Variants in ETAA1 observed in about 807,000 individuals in gnomAD.
ETAA1 encodes ETAA1 activator of ATR kinase.
Under a neutral mutation model 76.8 loss-of-function variants are expected in ETAA1, and 49 were observed. The observed-to-expected ratio is 0.64, with a 90% CI of 0.51 to 0.81. The LOEUF (loss-of-function observed/expected upper bound fraction) is 0.81. ETAA1 is among the 30% of genes least tolerant of loss of function. The pLI is 0.00. For missense variants in ETAA1, 1,099 were observed against 1,074.0 expected (o/e 1.02, Z -0.32); for synonymous variants, 373 against 372.2 (o/e 1.00, Z -0.03).
Position 67,399,581 on chromosome 2 carries a change from A to T in ETAA1, c.384A>T (p.Thr128=). 1 of 1,608,592 alleles carries T rather than the reference A, an allele frequency of 6.2e-7. No homozygotes were observed. The highest frequency in any genetic ancestry group is 1.3e-5 in the African/African-American group (1 of 74,870). Residue 128 remains threonine (T), a synonymous_variant, in exon 3 of 6, where the codon ACA becomes ACT. Transcript: ENST00000272342. ...GKGRKKQIYT[T]DSDEISHIVN... ...GAAGAAAAAAACAGATTTACACCAC[A>T]GATAGTGATGAGATTTCACATATTG...
chr2:67,407,780 A>G (rs1048553295), intron 5 of ETAA1, among the ~76,000 whole-genome samples: 3 of 152,188 alleles, frequency 2.0e-5, no homozygotes, highest in Non-Finnish European at 4.4e-5. Flanking sequence ...TCATTAAGTG[A>G]AAGTGGATCA....
rs1191491372 is a variant in ETAA1, at chr2:67,397,525, G to C, written c.77G>C (p.Cys26Ser). 2 of 1,591,778 alleles carry C rather than the reference G, an allele frequency of 1.3e-6. No individual in the cohort carries two copies. Among genetic ancestry groups the C allele is most frequent in the Non-Finnish European group, 1.7e-6 (2 of 1,169,312 alleles). Reference protein sequence around the residue: ...TPHKTVAAEECGSVVEPGRRR... With the variant: ...TPHKTVAAEESGSVVEPGRRR... ...CACAAAACAGTGGCGGCGGAGGAAT[G>C]CGGCTCGGTGGTCGAGCCAGGGAGG... is the stretch of plus-strand genomic sequence containing the variant. Residue 26 changes from cysteine (C) to serine (S), a missense_variant, in exon 1 of 6, where the codon TGC becomes TCC. By Grantham distance (112) the Cys-to-Ser change is moderately radical. Transcript: ENST00000272342.
chr2:67,404,660 A>G lies in ETAA1; in HGVS notation c.1978A>G (p.Lys660Glu), dbSNP rs1676153072. 6.2e-7 allele frequency: 1 copy of G among 1,613,262 alleles called. No homozygotes were observed. Among genetic ancestry groups the G allele is most frequent in the Non-Finnish European group, 8.5e-7 (1 of 1,179,552 alleles). The change falls in exon 5 of 6, where the codon AAG (lysine) becomes GAG (glutamate). Residue 660 changes from lysine (K) to glutamate (E), a missense_variant. Physicochemically the swap from Lys to Glu is moderately conservative, Grantham distance 56. Around this residue, in one of 3 missense-constraint regions of ETAA1, gnomAD observed 36 missense variants for 64.0 expected, o/e 0.56. Transcript: ENST00000272342. Reference sequence around the variant, plus strand: ...GCAACAAGACATTAGAAAGGACAGTAAGACATCAGAAAGTATATGTGAGAT... The same window carrying G: ...GCAACAAGACATTAGAAAGGACAGTGAGACATCAGAAAGTATATGTGAGAT... ...TQQQDIRKDS[K>E]TSESICEINN...
intron 3 of ETAA1, chr2:67,402,313 A>G (rs62154957): frequency 0.068 from 10,295 of 151,878 alleles, 445 homozygotes; most frequent in Middle Eastern, 0.13. Flanking sequence ...CCTTGCTCTT[A>G]TCTCTTAATT....
intron 1 of ETAA1, among the ~76,000 whole-genome samples, chr2:67,398,555 C>CT (rs895489574): frequency 6.6e-6 from 1 of 151,980 alleles, no homozygotes; most frequent in African/African-American, 2.4e-5. Flanking sequence ...CCAGGATGGT[C>CT]TCGATTTCCT....
In ETAA1 at chr2:67,403,753, G is replaced by T; in HGVS notation, c.1071G>T (p.Val357=). 1.2e-6 allele frequency: 2 copies of T among 1,613,354 alleles called. No individual in the cohort carries two copies. Among genetic ancestry groups the T allele is most frequent in the Non-Finnish European group, 1.7e-6 (2 of 1,179,468 alleles). The change falls in exon 5 of 6, where the codon GTG becomes GTT. Residue 357 remains valine, a synonymous_variant. Coordinates refer to ENST00000272342, the MANE Select transcript of ETAA1 (RefSeq NM_019002.4). ...CACCCATAATGACAAAATCATGTGTGACTTCCTGTACTAAGGAGCCAGAAA... is the reference window on the plus strand; with the variant it reads ...CACCCATAATGACAAAATCATGTGTTACTTCCTGTACTAAGGAGCCAGAAA... The part of the protein sequence containing the change: ...VDTPIMTKSC[V]TSCTKEPETS...
chr2:67,408,236 T>C (rs1302921260), intron 5 of ETAA1, among the ~76,000 whole-genome samples: 1 of 152,102 alleles, frequency 6.6e-6, no homozygotes, highest in African/African-American at 2.4e-5. Flanking sequence ...CAGGCAGGAG[T>C]TGGCAAACTA....
chr2:67,410,074 G>C lies in ETAA1; in HGVS notation c.*36G>C, dbSNP rs1414902528. ...GTTGGAAGACTTCACGAAGACTGCT[G>C]ATAACTATCTGTGATTGATAGGAAA... On this transcript the variant is annotated 3_prime_UTR_variant, in exon 6 of 6. Coordinates refer to ENST00000272342, the MANE Select transcript of ETAA1 (RefSeq NM_019002.4). 2.5e-6 allele frequency: 4 copies of C among 1,571,700 alleles called. No homozygotes were observed. The highest frequency in any genetic ancestry group is 1.4e-5 in the African/African-American group (1 of 71,570).
chr2:67,405,379 A>G (rs1021895622), intron 5 of ETAA1, 44 bp downstream of exon 5: 22 of 1,398,238 alleles, frequency 1.6e-5, no homozygotes, highest in Non-Finnish European at 2.1e-5. Flanking sequence ...AAGCATCTTA[A>G]AAAGTAGTAA....
rs955246391 is a variant in ETAA1 at position 67,409,834 on chromosome 2, A to C, written c.2654-77A>C. On this transcript the variant is annotated intron_variant, in intron 5 of 5. Coordinates refer to ENST00000272342, the MANE Select transcript of ETAA1 (RefSeq NM_019002.4). ...AATATGGCAAATCTGGGTGATTAAA[A>C]AAAGCAAAAATTAAAGCACATATTG... is the stretch of plus-strand genomic sequence containing the variant. 5 of 1,440,898 alleles carry C rather than the reference A, an allele frequency of 3.5e-6. No individual in the cohort carries two copies. In the East Asian group the frequency reaches 1.2e-4, roughly 34 times the overall value. The allele number at this position is 1,440,898 out of a possible 1,614,324, so 89.3% of individuals were successfully genotyped here.
chr2:67,399,458 C>T, intron 2 of ETAA1, 92 bp from the exon 3 acceptor site: 1 of 1,175,814 alleles, frequency 8.5e-7, no homozygotes, highest in Non-Finnish European at 1.2e-6. Context: ...CTAAGCTGCA[C>T]TAAATAAAAT....
chr2:67,405,306 T>C lies in ETAA1; in HGVS notation c.2624T>C (p.Leu875Pro). 1.3e-6 allele frequency: 2 copies of C among 1,548,166 alleles called. No individual in the cohort carries two copies. The highest frequency in any genetic ancestry group is 8.7e-7 in the Non-Finnish European group (1 of 1,151,088). Reference protein sequence around the residue: ...EAVGQQSLVKLSESLKQSSKE... With the variant: ...EAVGQQSLVKPSESLKQSSKE... ...GTTGGACAGCAATCTTTGGTGAAAC[T>C]TTCTGAATCTTTGAAACAATCTTCA... Residue 875 changes from leucine to proline, a missense_variant, in exon 5 of 6, where the codon CTT becomes CCT. By Grantham distance (98) the Leu-to-Pro change is moderately conservative. Around this residue, in one of 3 missense-constraint regions of ETAA1, gnomAD observed 302 missense variants for 278.1 expected, o/e 1.09. Transcript: ENST00000272342.
rs762813611 is a variant in ETAA1 at position 67,404,877 on chromosome 2, G to A, written c.2195G>A (p.Gly732Asp). ...TATGGAAATTCTCCAAGATTTTTAG[G>A]TGCCACAAATTTGACTATGTATTCT... ...EMYGNSPRFL[G>D]ATNLTMYSKI... is the part of the protein sequence containing the mutation. Residue 732 changes from glycine to aspartate, a missense_variant, in exon 5 of 6, where the codon GGT becomes GAT. This residue lies in a region of ETAA1 where 302 missense variants were observed against 278.1 expected (regional missense o/e 1.09). Transcript: ENST00000272342. 1.2e-6 allele frequency: 2 copies of A among 1,612,840 alleles called. No homozygotes were observed. Among genetic ancestry groups the A allele is most frequent in the African/African-American group, 1.3e-5 (1 of 74,882 alleles).
At position 67,410,064 on chromosome 2, in the gene ETAA1, G is replaced by A. The variant is rs1569; in HGVS notation, c.*26G>A. ...TGAAATATTAGTTGGAAGACTTCAC[G>A]AAGACTGCTGATAACTATCTGTGAT... On this transcript the variant is annotated 3_prime_UTR_variant, in exon 6 of 6. Coordinates refer to ENST00000272342, the MANE Select transcript of ETAA1 (RefSeq NM_019002.4). 1,518,293 of 1,589,526 alleles carry A rather than the reference G, an allele frequency of 0.96. 725,321 individuals are homozygous for A. Among genetic ancestry groups the A allele is most frequent in the East Asian group, 1 (44,220 of 44,226 alleles).
chr2:67,405,116 C>T lies in ETAA1; in HGVS notation c.2434C>T (p.Leu812Phe). ...TGTAACAGATGAAGCTCAGAGCAAC[C>T]TTAACACAACAGTTGGATTTTCAAA... ...KTVTDEAQSN[L>F]NTTVGFSKFT... The change falls in exon 5 of 6, where the codon CTT becomes TTT. Residue 812 changes from leucine (L) to phenylalanine (F), a missense_variant. Leu to Phe is a conservative substitution (Grantham distance 22). Around this residue, in one of 3 missense-constraint regions of ETAA1, gnomAD observed 302 missense variants for 278.1 expected, o/e 1.09. Transcript: ENST00000272342. 2 of 1,612,608 alleles carry T rather than the reference C, an allele frequency of 1.2e-6. No homozygotes were observed. Among genetic ancestry groups the T allele is most frequent in the Non-Finnish European group, 1.7e-6 (2 of 1,179,180 alleles).
In ETAA1 at chr2:67,397,551, A is replaced by T. The variant is rs1397335947; in HGVS notation, c.103A>T (p.Arg35Trp). The T allele has an allele frequency of 1.3e-6, 2 of 1,576,736 alleles. No homozygotes were observed. Among genetic ancestry groups the T allele is most frequent in the Non-Finnish European group, 1.7e-6 (2 of 1,161,470 alleles). Residue 35 changes from arginine (R) to tryptophan (W), a missense_variant, in exon 1 of 6, where the codon AGG (arginine) becomes TGG (tryptophan). Physicochemically the swap from Arg to Trp is moderately radical, Grantham distance 101. This residue lies in a region of ETAA1 where 761 missense variants were observed against 731.9 expected (regional missense o/e 1.04). Transcript: ENST00000272342. Reference protein sequence around the residue: ...ECGSVVEPGRRRLRSARGSWP... With the variant: ...ECGSVVEPGRWRLRSARGSWP... ...CGGCTCGGTGGTCGAGCCAGGGAGG[A>T]GGCGGCTGAGATCGGCCCGCGGTTC... is the stretch of plus-strand genomic sequence containing the variant.
Position 67,403,038 on chromosome 2 carries a change from A to G in ETAA1, c.542+64A>G, listed in dbSNP as rs1318241359. 3.5e-6 allele frequency: 5 copies of G among 1,413,608 alleles called. No homozygotes were observed. In the East Asian group the frequency reaches 9.5e-5, roughly 27 times the overall value. 87.6% of individuals were successfully genotyped at this position (1,413,608 alleles called of 1,614,324 possible). A position where few individuals can be genotyped will look rare whatever the true frequency, so the allele number is the denominator to read the frequency against. Reference sequence around the variant, plus strand: ...AGCAAATATTTTTTGATAATACTCCATTTTGGTTTTGTGAATATATCAAAA... The same window carrying G: ...AGCAAATATTTTTTGATAATACTCCGTTTTGGTTTTGTGAATATATCAAAA... On this transcript the variant is annotated intron_variant, in intron 4 of 5. Coordinates refer to ENST00000272342, the MANE Select transcript of ETAA1 (RefSeq NM_019002.4).
rs540940825 is a variant in ETAA1 at position 67,401,970 on chromosome 2, G to T, written c.430-892G>T. On this transcript the variant is annotated intron_variant, in intron 3 of 5. Coordinates refer to ENST00000272342, the MANE Select transcript of ETAA1 (RefSeq NM_019002.4). The stretch of plus-strand genomic sequence containing the variant: ...CTGACACTGGTATGCCCAATATTGT[G>T]CTGGATGCTGAGTTATTCTAAGAAG... The T allele has an allele frequency of 5.9e-5, 9 of 151,978 alleles. No homozygotes were observed. In the South Asian group the frequency reaches 1.9e-3, roughly 31 times the overall value. The allele number at this position is 151,978 out of a possible 1,614,324, so 9.4% of individuals were successfully genotyped here.
intron 5 of ETAA1, among the ~76,000 whole-genome samples, chr2:67,406,289 C>T (rs1676218791): frequency 1.3e-5 from 2 of 152,112 alleles, no homozygotes; most frequent in South Asian, 2.1e-4. Flanking sequence ...GTGCTCTTCC[C>T]TTTGACTAAA....
Sources: allele counts gnomAD v4.1 joint callset (sites outside exome capture counted in the v4.1 genomes callset), GRCh38; gene constraint gnomAD v4.1.1; regional missense constraint gnomAD v4.1.1; transcripts MANE v1.5; gene names NCBI Gene and HGNC (gene_info 2026-07-23, HGNC 2026-07-21).